COL11A2: variants seen among roughly 807,000 people sequenced by gnomAD.
COL11A2 encodes collagen type XI alpha 2 chain, also known as collagen alpha-2(XI) chain.
A neutral mutation model predicts 273.4 loss-of-function variants in COL11A2; 116 were observed. The observed-to-expected ratio is 0.42, with a 90% CI of 0.36 to 0.49. COL11A2 has a LOEUF of 0.49. Ranked by LOEUF, COL11A2 falls within the 20% of genes least tolerant of loss-of-function variation. COL11A2 has a pLI of 0.00. For missense variants in COL11A2, 1,866 were observed against 2,309.0 expected (o/e 0.81, Z 3.93); for synonymous variants, 782 against 864.2 (o/e 0.90, Z 1.67).
In COL11A2 at chr6:33,164,119, C is replaced by T; in HGVS notation, c.5070+148G>A. On this transcript the variant is annotated intron_variant, in intron 65 of 65. Transcript: ENST00000341947. The surrounding 1 kb of genome is among the most constrained non-coding windows in gnomAD (Gnocchi z 4.7). Reference sequence around the variant, plus strand: ...CCATCCTTTCCACCTTCCTCACCGGCTTTTGAGCTCCCTCAGGCATCCCTG... The same window carrying T: ...CCATCCTTTCCACCTTCCTCACCGGTTTTTGAGCTCCCTCAGGCATCCCTG... 1 of 1,024,936 alleles carries T rather than the reference C, an allele frequency of 9.8e-7. No individual in the cohort carries two copies. Among genetic ancestry groups the T allele is most frequent in the Non-Finnish European group, 1.4e-6 (1 of 707,748 alleles). The allele number at this position is 1,024,936 out of a possible 1,614,324, so 63.5% of individuals were successfully genotyped here. A position where few individuals can be genotyped will look rare whatever the true frequency, so the allele number is the denominator to read the frequency against.
At position 33,173,392 on chromosome 6, in the gene COL11A2, C is replaced by G. The variant is rs759555782; in HGVS notation, c.2692G>C (p.Gly898Arg). ...PGPKGPPGPP[G>R]KDGLPGHPGQ... ...GGGTGTCCCGGCAGCCCATCCTTCC[C>G]AGGGGGGCCCTGGAAGGGGTTCAGT... Residue 898 changes from glycine to arginine, a missense_variant, in exon 37 of 66, where the codon GGG becomes CGG. Coordinates refer to ENST00000341947, the MANE Select transcript of COL11A2 (RefSeq NM_080680.3). The surrounding 1 kb of genome is among the most constrained non-coding windows in gnomAD (Gnocchi z 6.3). 6.2e-7 allele frequency: 1 copy of G among 1,613,128 alleles called. No homozygotes were observed. Among genetic ancestry groups the G allele is most frequent in the Non-Finnish European group, 8.5e-7 (1 of 1,179,960 alleles).
Position 33,163,783 on chromosome 6 carries a change from C to T in COL11A2, c.5106G>A (p.Thr1702=), listed in dbSNP as rs752823488. The T allele has an allele frequency of 1.8e-5, 29 of 1,612,920 alleles. No individual in the cohort carries two copies. In the East Asian group the frequency reaches 4.9e-4, roughly 27 times the overall value. ...QQGRTVLEVR[T]PVLEQLPVLD... is the part of the protein sequence containing the mutation. ...GCACTGGCAGCTGCTCCAGCACAGG[C>T]GTTCGCACCTCCAGCACCGTCCGGC... The change falls in exon 66 of 66, where the codon ACG becomes ACA. Residue 1702 remains threonine, a synonymous_variant. Transcript: ENST00000341947. This position sits in a 1 kb window ranked among gnomAD's most constrained non-coding sequence, Gnocchi z 4.1.
At position 33,190,479 on chromosome 6, in the gene COL11A2, C is replaced by T. The variant is rs1478679627; in HGVS notation, c.83-1010G>A. On this transcript the variant is annotated intron_variant, in intron 1 of 65. Transcript: ENST00000341947. The surrounding 1 kb of genome is among the most constrained non-coding windows in gnomAD (Gnocchi z 4.5). ...AAAGATCACCTTGCCCTCACTTGCT[C>T]CCCTATACACATACTCTTCACACCA... is the stretch of plus-strand genomic sequence containing the variant. Among the ~76,000 whole-genome samples, 1 of 152,150 alleles carries T rather than the reference C, an allele frequency of 6.6e-6. No homozygotes were observed. Among genetic ancestry groups the T allele is most frequent in the Non-Finnish European group, 1.5e-5 (1 of 68,036 alleles).
chr6:33,186,494 G>C (rs574268850), intron 5 of COL11A2, 133 bp downstream of exon 5: 1 of 1,525,292 alleles, frequency 6.6e-7, no homozygotes, highest in East Asian at 2.3e-5. Flanking sequence ...AAAGGCTGAT[G>C]AATGAGGACT....
chr6:33,169,416 G>A lies in COL11A2; in HGVS notation c.3765C>T (p.Gly1255=), dbSNP rs774082768. The part of the protein sequence containing the change: ...PGEPGPPGPK[G]PTGDDGPKGN... ...CTTTGGGGCCATCATCGCCTGTGGG[G>A]CCTTTAGGCCCTGGTGGCCCTGGCT... Residue 1255 remains glycine (G), a synonymous_variant, in exon 51 of 66, where the codon GGC becomes GGT. Coordinates refer to ENST00000341947, the MANE Select transcript of COL11A2 (RefSeq NM_080680.3). This position sits in a 1 kb window ranked among gnomAD's most constrained non-coding sequence, Gnocchi z 5.5. The A allele has an allele frequency of 1.9e-6, 3 of 1,612,806 alleles. No homozygotes were observed. The highest frequency in any genetic ancestry group is 2.7e-5 in the African/African-American group (2 of 74,932).
At chr6:33,182,454 G>A (rs914140324) in intron 8 of COL11A2, among the ~76,000 whole-genome samples, 4 of 151,574 alleles carry the variant, frequency 2.6e-5, no homozygotes, top group African/African-American at 9.7e-5. Flanking sequence ...GCGCACGCCT[G>A]TAATCCCAGC....
rs1344397117 is a variant in COL11A2, at chr6:33,188,504, G to T, written c.464C>A (p.Ala155Asp). 6.2e-7 allele frequency: 1 copy of T among 1,613,056 alleles called. No individual in the cohort carries two copies. The highest frequency in any genetic ancestry group is 1.7e-5 in the Admixed American group (1 of 60,032). The stretch of plus-strand genomic sequence containing the variant: ...GAGGGTGACAGACTGGCCCTTCACA[G>T]CCACAGCCACACGGTGCCACCTGGA... Reference protein sequence around the residue: ...ADGKWHRVAVAVKGQSVTLIV... With the variant: ...ADGKWHRVAVDVKGQSVTLIV... The change falls in exon 4 of 66, where the codon GCT becomes GAT. Residue 155 changes from alanine (A) to aspartate (D), a missense_variant. Physicochemically the swap from Ala to Asp is moderately radical, Grantham distance 126. Transcript: ENST00000341947.
In COL11A2 at chr6:33,176,270, T is replaced by G; in HGVS notation, c.2203A>C (p.Lys735Gln). 1 of 1,608,266 alleles carries G rather than the reference T, an allele frequency of 6.2e-7. No individual in the cohort carries two copies. The highest frequency in any genetic ancestry group is 8.5e-7 in the Non-Finnish European group (1 of 1,177,676). Residue 735 changes from lysine (K) to glutamine (Q), a missense_variant, in exon 28 of 66, where the codon AAG becomes CAG. Transcript: ENST00000341947. The surrounding 1 kb of genome is among the most constrained non-coding windows in gnomAD (Gnocchi z 4.9). ...VDGIRGLKGH[K>Q]GEKGEDGFPG... Reference sequence around the variant, plus strand: ...GGCATGGTGCTCACCTTCTCACCCTTATGACCCTTCAGACCCCGAATTCCG... The same window carrying G: ...GGCATGGTGCTCACCTTCTCACCCTGATGACCCTTCAGACCCCGAATTCCG...
At position 33,180,408 on chromosome 6, in the gene COL11A2, T is replaced by A. The variant is rs1007076109; in HGVS notation, c.1285-76A>T. 5 of 1,296,790 alleles carry A rather than the reference T, an allele frequency of 3.9e-6. No individual in the cohort carries two copies. The African/African-American group carries it at 4.4e-5, about 11-fold the overall frequency. The allele number at this position is 1,296,790 out of a possible 1,614,324, so 80.3% of individuals were successfully genotyped here. A position where few individuals can be genotyped will look rare whatever the true frequency, so the allele number is the denominator to read the frequency against. The stretch of plus-strand genomic sequence containing the variant: ...AAGATCTTAGCATGATTTTGAAATA[T>A]CCTCTTCAACAGAATAAGTGTAGAT... On this transcript the variant is annotated intron_variant, in intron 11 of 65. Coordinates refer to ENST00000341947, the MANE Select transcript of COL11A2 (RefSeq NM_080680.3).
At position 33,168,978 on chromosome 6, in the gene COL11A2, G is replaced by A. The variant is rs1769629926; in HGVS notation, c.3829C>T (p.Pro1277Ser). 2 of 1,609,102 alleles carry A rather than the reference G, an allele frequency of 1.2e-6. No homozygotes were observed. Among genetic ancestry groups the A allele is most frequent in the South Asian group, 1.1e-5 (1 of 90,634 alleles). ...ACCCGAGGGCCACCTTCTCCAGGGG[G>A]GCCAGGGTCACCAGGAAAACCAACA... ...GPVGFPGDPGPPGEGGPRGQD... is the reference protein window; with the variant it reads ...GPVGFPGDPGSPGEGGPRGQD... Residue 1277 changes from proline (P) to serine (S), a missense_variant, in exon 52 of 66, where the codon CCC becomes TCC. Physicochemically the swap from Pro to Ser is moderately conservative, Grantham distance 74. Transcript: ENST00000341947.
Position 33,165,081 on chromosome 6 carries a change from G to T in COL11A2, c.4751-117C>A. 1 of 765,854 alleles carries T rather than the reference G, an allele frequency of 1.3e-6. No individual in the cohort carries two copies. Among genetic ancestry groups the T allele is most frequent in the Non-Finnish European group, 2.2e-6 (1 of 446,986 alleles). The allele number at this position is 765,854 out of a possible 1,614,324, so 47.4% of individuals were successfully genotyped here. ...TCCCCATCATGCTCTTAGTCTCCTG[G>T]TCCTCCTCCCTCCCAGAGCCCTAGA... is the stretch of plus-strand genomic sequence containing the variant. On this transcript the variant is annotated intron_variant, in intron 63 of 65. Coordinates refer to ENST00000341947, the MANE Select transcript of COL11A2 (RefSeq NM_080680.3). This position sits in a 1 kb window ranked among gnomAD's most constrained non-coding sequence, Gnocchi z 7.7.
chr6:33,176,837 C>A lies in COL11A2; in HGVS notation c.2071-72G>T. The A allele has an allele frequency of 6.4e-7, 1 of 1,568,726 alleles. No homozygotes were observed. Among genetic ancestry groups the A allele is most frequent in the Non-Finnish European group, 8.7e-7 (1 of 1,151,192 alleles). On this transcript the variant is annotated intron_variant, in intron 25 of 65. Coordinates refer to ENST00000341947, the MANE Select transcript of COL11A2 (RefSeq NM_080680.3). This position sits in a 1 kb window ranked among gnomAD's most constrained non-coding sequence, Gnocchi z 4.9. Reference sequence around the variant, plus strand: ...CTCTGCACCCCTCCCTACACTTCTTCCAACCCAAATTTCCTGTGACCTAGT... The same window carrying A: ...CTCTGCACCCCTCCCTACACTTCTTACAACCCAAATTTCCTGTGACCTAGT...
rs778660772 is a variant in COL11A2, at chr6:33,177,855, G to A, written c.1873-149C>T. ...CACAGCTGGCCCAGGCCTGCAGTGT[G>A]TGGGACTGTGGATCTGTGGGCTTGT... On this transcript the variant is annotated intron_variant, in intron 21 of 65. Coordinates refer to ENST00000341947, the MANE Select transcript of COL11A2 (RefSeq NM_080680.3). The surrounding 1 kb of genome is among the most constrained non-coding windows in gnomAD (Gnocchi z 5.9). 26 of 876,088 alleles carry A rather than the reference G, an allele frequency of 3.0e-5. No individual in the cohort carries two copies. The highest frequency in any genetic ancestry group is 4.8e-5 in the Non-Finnish European group (26 of 538,250). The allele number at this position is 876,088 out of a possible 1,614,324, so 54.3% of individuals were successfully genotyped here. A position where few individuals can be genotyped will look rare whatever the true frequency, so the allele number is the denominator to read the frequency against.
chr6:33,174,091 G>A, intron 32 of COL11A2, 36 bp from the exon 33 acceptor site: 1 of 1,613,132 alleles, frequency 6.2e-7, no homozygotes, highest in South Asian at 1.1e-5. Context: ...ATTACCCAGG[G>A]TGAGACTCCC....
chr6:33,177,753 A>G lies in COL11A2; in HGVS notation c.1873-47T>C. 1 of 1,610,132 alleles carries G rather than the reference A, an allele frequency of 6.2e-7. No homozygotes were observed. Among genetic ancestry groups the G allele is most frequent in the Non-Finnish European group, 8.5e-7 (1 of 1,177,730 alleles). ...AGCAGCCTGAAGGTGGCCCGGAGGG[A>G]CCTGTGGTTTTCAGAGGCCCGGCCA... On this transcript the variant is annotated intron_variant, in intron 21 of 65. Transcript: ENST00000341947. The surrounding 1 kb of genome is among the most constrained non-coding windows in gnomAD (Gnocchi z 5.9).
At chr6:33,175,496 C>T (rs534331494) in intron 30 of COL11A2, 78 bp downstream of exon 30, 15 of 1,181,940 alleles carry the variant, frequency 1.3e-5, no homozygotes, top group East Asian at 4.7e-5. Flanking sequence ...CTGACTTCAG[C>T]GGCGGGCACC....
In COL11A2 at chr6:33,175,692, G is replaced by C. The variant is rs757842994; in HGVS notation, c.2269-11C>G. The C allele has an allele frequency of 9.3e-6, 15 of 1,610,216 alleles. No individual in the cohort carries two copies. Among genetic ancestry groups the C allele is most frequent in the Non-Finnish European group, 1.2e-5 (14 of 1,177,566 alleles). On this transcript the variant is annotated splice_polypyrimidine_tract_variant and intron_variant, in intron 29 of 65. Transcript: ENST00000341947. ...GACTCCAACTTCGCCCTGTGTGAGA[G>C]GGAAGGACAGGTGAGTGCTGGGGAC... is the stretch of plus-strand genomic sequence containing the variant.
Position 33,192,315 on chromosome 6 carries a change from A to AG in COL11A2, c.-76dup. On this transcript the variant is annotated 5_prime_UTR_variant, in exon 1 of 66. Coordinates refer to ENST00000341947, the MANE Select transcript of COL11A2 (RefSeq NM_080680.3). The stretch of plus-strand genomic sequence containing the variant: ...CGCTGGATGCCCTGAGGCTGACAGA[A>AG]GACAGGGAGCAGACTATGAGCCTCA... 1 of 1,391,400 alleles carries AG rather than the reference A, an allele frequency of 7.2e-7. No individual in the cohort carries two copies. The highest frequency in any genetic ancestry group is 9.9e-7 in the Non-Finnish European group (1 of 1,007,010). The allele number at this position is 1,391,400 out of a possible 1,614,324, so 86.2% of individuals were successfully genotyped here.
At position 33,170,208 on chromosome 6, in the gene COL11A2, C is replaced by T. The variant is rs1318846279; in HGVS notation, c.3583-108G>A. The stretch of plus-strand genomic sequence containing the variant: ...GTTACAGCAGTGAGGCAGTGGAGGC[C>T]TCCCGGGAGTAAGGGCTTCTCTTGG... On this transcript the variant is annotated intron_variant, in intron 48 of 65. Transcript: ENST00000341947. The surrounding 1 kb of genome is among the most constrained non-coding windows in gnomAD (Gnocchi z 4.3). 3 of 1,577,768 alleles carry T rather than the reference C, an allele frequency of 1.9e-6. No homozygotes were observed. Among genetic ancestry groups the T allele is most frequent in the Non-Finnish European group, 2.6e-6 (3 of 1,149,244 alleles).
Sources: gnomAD v4.1 joint callset for allele counts (sites outside exome capture counted in the v4.1 genomes callset) on GRCh38, gnomAD v4.1.1 for gene constraint, Gnocchi (gnomAD v3.1) non-coding constraint, MANE v1.5 for transcripts, NCBI Gene and HGNC (gene_info 2026-07-23, HGNC 2026-07-21) for gene names.